SLC38A12: variants seen among roughly 807,000 people sequenced by gnomAD.
The protein encoded by SLC38A12 is putative sodium-coupled neutral amino acid transporter 12.
chr17:74,819,874 G>A, the SLC38A12 span: 11,664 of 1,586,830 alleles, frequency 7.4e-3, 211 homozygotes, highest in East Asian at 0.057. Flanking sequence ...GAGTCTCTGC[G>A]CTTTCTCCTC....
chr17:74,798,175 G>A, the SLC38A12 span, among the ~76,000 whole-genome samples: 2 of 152,224 alleles, frequency 1.3e-5, no homozygotes, highest in African/African-American at 4.8e-5. Flanking sequence ...AAAAGGGCCT[G>A]CTAATAATCT....
chr17:74,834,012 C>G, the SLC38A12 span, among the ~76,000 whole-genome samples: 8 of 152,126 alleles, frequency 5.3e-5, no homozygotes, highest in African/African-American at 1.2e-4. Flanking sequence ...ACAGGGACTC[C>G]GCCTCCAGCC....
the SLC38A12 span, among the ~76,000 whole-genome samples, chr17:74,777,977 A>T: frequency 1.3e-5 from 2 of 152,244 alleles, no homozygotes; most frequent in Non-Finnish European, 2.9e-5. Flanking sequence ...TGCCCTTCAG[A>T]TGAACAGTGA....
the SLC38A12 span, chr17:74,837,549 C>A: frequency 2.0e-5 from 20 of 985,344 alleles, no homozygotes; most frequent in African/African-American, 3.1e-4. Context: ...AGTGACATGG[C>A]AGTGGGAGGG....
At chr17:74,786,988 G>A in the SLC38A12 span, among the ~76,000 whole-genome samples, 1 of 152,194 alleles carries the variant, frequency 6.6e-6, no homozygotes, top group Non-Finnish European at 1.5e-5. Flanking sequence ...TGATCGATGA[G>A]TTGGCCTTGC....
the SLC38A12 span, among the ~76,000 whole-genome samples, chr17:74,831,859 T>C: frequency 2.6e-5 from 4 of 152,254 alleles, no homozygotes; most frequent in African/African-American, 9.6e-5. Context: ...CGGCTGTGGC[T>C]GAGCCCCGGG....
the SLC38A12 span, among the ~76,000 whole-genome samples, chr17:74,814,538 C>T: frequency 3.9e-5 from 6 of 152,350 alleles, no homozygotes; most frequent in South Asian, 8.3e-4. Context: ...CATAACATGT[C>T]AATTCCTCAG....
At chr17:74,832,246 C>T in the SLC38A12 span, among the ~76,000 whole-genome samples, 4 of 152,250 alleles carry the variant, frequency 2.6e-5, no homozygotes, top group South Asian at 8.3e-4. Flanking sequence ...CTCCATCTCC[C>T]AGGGAAACGA....
chr17:74,839,111 C>G, the SLC38A12 span: 1 of 1,531,460 alleles, frequency 6.5e-7, no homozygotes, highest in Non-Finnish European at 8.7e-7. Context: ...AGCCCCAGAG[C>G]CTCATGCCAG....
At chr17:74,825,788 C>G in the SLC38A12 span, among the ~76,000 whole-genome samples, 2 of 152,224 alleles carry the variant, frequency 1.3e-5, no homozygotes, top group Non-Finnish European at 2.9e-5. Flanking sequence ...TGGTCATGGC[C>G]TCTGTGCAGA....
the SLC38A12 span, chr17:74,819,775 C>T: frequency 3.1e-6 from 5 of 1,614,090 alleles, no homozygotes; most frequent in South Asian, 1.1e-5. Flanking sequence ...CTCCTCGGAC[C>T]GTTCACCTTC....
At chr17:74,802,341 A>G in the SLC38A12 span, among the ~76,000 whole-genome samples, 207 of 152,268 alleles carry the variant, frequency 1.4e-3, 2 homozygotes, top group African/African-American at 4.7e-3. Flanking sequence ...CACCGCCTCT[A>G]TGGTCTCAGT....
At chr17:74,800,277 G>C in the SLC38A12 span, among the ~76,000 whole-genome samples, 3 of 152,258 alleles carry the variant, frequency 2.0e-5, no homozygotes, top group African/African-American at 4.8e-5. Context: ...ACCCGGCTGA[G>C]CATGTTCCCT....
the SLC38A12 span, among the ~76,000 whole-genome samples, chr17:74,817,800 A>T: frequency 6.6e-6 from 1 of 152,072 alleles, no homozygotes; most frequent in Non-Finnish European, 1.5e-5. Context: ...AAAACCTTCT[A>T]AAAACCAGTC....
At chr17:74,830,136 C>T in the SLC38A12 span, among the ~76,000 whole-genome samples, 1 of 152,166 alleles carries the variant, frequency 6.6e-6, no homozygotes, top group African/African-American at 2.4e-5. Flanking sequence ...GGCCCCAACT[C>T]CAGACACCTA....
the SLC38A12 span, among the ~76,000 whole-genome samples, chr17:74,779,119 C>T: frequency 1.3e-5 from 2 of 152,202 alleles, no homozygotes. Flanking sequence ...CCTGCTTTTT[C>T]TTACAACATC....
chr17:74,790,383 C>T, the SLC38A12 span: 7 of 1,226,310 alleles, frequency 5.7e-6, no homozygotes, highest in Non-Finnish European at 8.4e-6. Flanking sequence ...GAGAGGCTCC[C>T]CGCAGATTCT....
chr17:74,826,376 T>A, the SLC38A12 span, among the ~76,000 whole-genome samples: 2 of 152,190 alleles, frequency 1.3e-5, no homozygotes, highest in Non-Finnish European at 2.9e-5. Context: ...AGCCACAGGA[T>A]AGAACCTCGT....
chr17:74,796,270 G>A, the SLC38A12 span, among the ~76,000 whole-genome samples: 2 of 152,210 alleles, frequency 1.3e-5, no homozygotes, highest in African/African-American at 2.4e-5. Context: ...TTGGGGGCGG[G>A]ACTCAGAAAT....
Sources: allele counts gnomAD v4.1 joint callset (sites outside exome capture counted in the v4.1 genomes callset), GRCh38; gene constraint gnomAD v4.1.1; transcripts MANE v1.5; gene names NCBI Gene and HGNC (gene_info 2026-07-23, HGNC 2026-07-21).